LRRTM4: variants seen among roughly 807,000 people sequenced by gnomAD.
The protein encoded by LRRTM4 is leucine rich repeat transmembrane neuronal 4.
LRRTM4 carries 25 observed loss-of-function variants against 47.6 expected under a neutral mutation model. The ratio of observed to expected loss-of-function variants is 0.53; its 90% CI spans 0.38 to 0.73. The LOEUF is 0.73. LRRTM4 is among the 30% of genes least tolerant of loss of function. LRRTM4 has a pLI of 0.00. For missense variants in LRRTM4, 638 were observed against 713.4 expected, an observed-to-expected ratio of 0.89 and a Z score of 1.20; for synonymous variants, 311 against 269.5, an observed-to-expected ratio of 1.15 and a Z score of -1.51.
At chr2:77,333,489 G>C (rs577161042) in intron 3 of LRRTM4, among the ~76,000 whole-genome samples, 61 of 152,330 alleles carry the variant, frequency 4.0e-4, no homozygotes, top group Admixed American at 1.0e-3. Context: ...CTTTTGTTAT[G>C]TTTTAGCAAA....
At chr2:76,941,355 T>C (rs1000446264) in intron 3 of LRRTM4, among the ~76,000 whole-genome samples, 5 of 152,180 alleles carry the variant, frequency 3.3e-5, no homozygotes, top group African/African-American at 9.7e-5. Context: ...GGGATACATG[T>C]GCAGAACATG....
rs1050194589 is a variant in LRRTM4 at position 76,781,963 on chromosome 2, A to T, written c.1552-33047T>A. Among the ~76,000 whole-genome samples, 10 of 152,240 alleles carry T rather than the reference A, an allele frequency of 6.6e-5. No homozygotes were observed. In the East Asian group the frequency reaches 1.7e-3, roughly 26 times the overall value. On this transcript the variant is annotated intron_variant, in intron 3 of 3. Transcript: ENST00000409884. ...GTTATATTATCTTGACATTTTTTTA[A>T]AGCCAAACCTCTTTCTAAAATTGTC...
rs186836154 is a variant in LRRTM4, at chr2:77,114,830, T to C, written c.1552-365914A>G. On this transcript the variant is annotated intron_variant, in intron 3 of 3. Coordinates refer to ENST00000409884, the MANE Select transcript of LRRTM4 (RefSeq NM_001134745.3). Reference sequence around the variant, plus strand: ...ATGAACAGCGAGTAAGTCACAAAGATCACGTGCTCCAAAGGGCAATAAAGA... The same window carrying C: ...ATGAACAGCGAGTAAGTCACAAAGACCACGTGCTCCAAAGGGCAATAAAGA... Among the ~76,000 whole-genome samples, 24 of 152,100 alleles carry C rather than the reference T, an allele frequency of 1.6e-4. No homozygotes were observed. In the East Asian group the frequency reaches 3.7e-3, roughly 23 times the overall value.
intron 3 of LRRTM4, among the ~76,000 whole-genome samples, chr2:77,099,741 A>T (rs1404019624): frequency 6.6e-6 from 1 of 151,968 alleles, no homozygotes; most frequent in Non-Finnish European, 1.5e-5. Flanking sequence ...CTGAAGAAAC[A>T]ATTGTTTGGG....
chr2:76,823,859 TAAA>T lies in LRRTM4; in HGVS notation c.1552-74946_1552-74944del, dbSNP rs1671120323. On this transcript the variant is annotated intron_variant, in intron 3 of 3. Transcript: ENST00000409884. ...TGTTAAATTTAGATAAAATAGCACT[TAAA>T]AATAAAACATAAGAACATGCATGTA... Among the ~76,000 whole-genome samples, 2 of 151,632 alleles carry T rather than the reference TAAA, an allele frequency of 1.3e-5. 1 individual carries two copies. The highest frequency in any genetic ancestry group is 4.1e-4 in the South Asian group (2 of 4,824).
rs545211696 is a variant in LRRTM4 at position 77,195,239 on chromosome 2, G to A, written c.1551+323079C>T. Among the ~76,000 whole-genome samples the A allele has an allele frequency of 2.6e-5, 4 of 151,836 alleles. No homozygotes were observed. The South Asian group carries it at 8.3e-4, about 32-fold the overall frequency. On this transcript the variant is annotated intron_variant, in intron 3 of 3. Transcript: ENST00000409884. ...TTTCTCCCATTGTATTTGCTATAATGACATGCCACTAAAATATATTTAGAT... is the reference window on the plus strand; with the variant it reads ...TTTCTCCCATTGTATTTGCTATAATAACATGCCACTAAAATATATTTAGAT...
chr2:77,276,474 T>C lies in LRRTM4; in HGVS notation c.1551+241844A>G, dbSNP rs994089534. Among the ~76,000 whole-genome samples, 91 of 149,916 alleles carry C rather than the reference T, an allele frequency of 6.1e-4. 1 individual carries two copies. The highest frequency in any genetic ancestry group is 2.0e-4 in the East Asian group (1 of 5,094). ...AAAGAATCTTGTCATAGGAAATATATATAGGCATACAACTATAGTGTGATA... is the reference window on the plus strand; with the variant it reads ...AAAGAATCTTGTCATAGGAAATATACATAGGCATACAACTATAGTGTGATA... On this transcript the variant is annotated intron_variant, in intron 3 of 3. Transcript: ENST00000409884.
At chr2:77,167,960 G>GA (rs1672936339) in intron 3 of LRRTM4, among the ~76,000 whole-genome samples, 1 of 151,632 alleles carries the variant, frequency 6.6e-6, no homozygotes, top group African/African-American at 2.4e-5. Context: ...TGATAATAAA[G>GA]AAAAAAGAGT....
intron 3 of LRRTM4, among the ~76,000 whole-genome samples, chr2:77,082,732 G>A (rs1680572909): frequency 6.6e-6 from 1 of 151,888 alleles, no homozygotes; most frequent in Admixed American, 6.6e-5. Context: ...ATTAATGTCA[G>A]AGAAAAAAAG....
intron 3 of LRRTM4, among the ~76,000 whole-genome samples, chr2:77,219,071 A>T (rs575785436): frequency 3.9e-4 from 59 of 152,338 alleles, no homozygotes; most frequent in Admixed American, 9.8e-4. Flanking sequence ...TTTCTTGATA[A>T]ATAAATAGGC....
intron 2 of LRRTM4, among the ~76,000 whole-genome samples, chr2:77,520,850 G>T (rs1385272518): frequency 1.3e-5 from 2 of 151,692 alleles, no homozygotes; most frequent in Non-Finnish European, 2.9e-5. Context: ...CCAAGTCATT[G>T]CATGTTAAGG....
chr2:77,222,593 A>G (rs1395917600), intron 3 of LRRTM4, among the ~76,000 whole-genome samples: 8 of 152,206 alleles, frequency 5.3e-5, no homozygotes, highest in Admixed American at 5.2e-4. Context: ...ACAGGAATAA[A>G]GTAGAAAATC....
intron 3 of LRRTM4, among the ~76,000 whole-genome samples, chr2:77,079,823 A>G (rs1411387447): frequency 6.6e-6 from 1 of 151,992 alleles, no homozygotes; most frequent in African/African-American, 2.4e-5. Context: ...TCTAATTTCT[A>G]TTCTTTTACT....
At chr2:77,224,015 T>G (rs1215373318) in intron 3 of LRRTM4, among the ~76,000 whole-genome samples, 1 of 151,578 alleles carries the variant, frequency 6.6e-6, no homozygotes, top group Admixed American at 6.6e-5. Flanking sequence ...AACAGAGATA[T>G]AGACCAATGG....
At position 76,838,241 on chromosome 2, in the gene LRRTM4, A is replaced by G. The variant is rs865815858; in HGVS notation, c.1552-89325T>C. Among the ~76,000 whole-genome samples the G allele has an allele frequency of 2.0e-4, 30 of 152,174 alleles. No homozygotes were observed. The Middle Eastern group carries it at 0.01, about 52-fold the overall frequency. Reference sequence around the variant, plus strand: ...TAATCACATATATCATTCAATTTACATCACCATAAGAAATAATTTTGGTTG... The same window carrying G: ...TAATCACATATATCATTCAATTTACGTCACCATAAGAAATAATTTTGGTTG... On this transcript the variant is annotated intron_variant, in intron 3 of 3. Transcript: ENST00000409884.
chr2:76,857,276 C>T (rs1250274776), intron 3 of LRRTM4, among the ~76,000 whole-genome samples: 1 of 148,294 alleles, frequency 6.7e-6, no homozygotes, highest in African/African-American at 2.5e-5. Flanking sequence ...TTCCTTTTCT[C>T]TAGATACCTT....
intron 3 of LRRTM4, among the ~76,000 whole-genome samples, chr2:77,418,685 A>C (rs955906797): frequency 1.3e-5 from 2 of 152,160 alleles, no homozygotes; most frequent in Non-Finnish European, 2.9e-5. Context: ...CTGTTACCAG[A>C]CCATAGCAGG....
rs1220308959 is a variant in LRRTM4 at position 77,092,896 on chromosome 2, G to T, written c.1552-343980C>A. Among the ~76,000 whole-genome samples, 2 of 146,782 alleles carry T rather than the reference G, an allele frequency of 1.4e-5. 1 individual carries two copies. The highest frequency in any genetic ancestry group is 5.4e-5 in the African/African-American group (2 of 36,930). The stretch of plus-strand genomic sequence containing the variant: ...TTCAAGAAAAGTAGAATGGACTAAA[G>T]GTCTTTTAAAAACACACCTCACCAA... On this transcript the variant is annotated intron_variant, in intron 3 of 3. Transcript: ENST00000409884.
At chr2:76,941,717 G>A (rs950825755) in intron 3 of LRRTM4, among the ~76,000 whole-genome samples, 5 of 152,146 alleles carry the variant, frequency 3.3e-5, no homozygotes, top group African/African-American at 1.2e-4. Context: ...TAACATTGAT[G>A]GACATTTGGG....
Sources: gnomAD v4.1 joint callset for allele counts (sites outside exome capture counted in the v4.1 genomes callset) on GRCh38, gnomAD v4.1.1 for gene constraint, MANE v1.5 for transcripts, NCBI Gene and HGNC (gene_info 2026-07-23, HGNC 2026-07-21) for gene names.